The following NTRK3 variants were observed in gnomAD, a reference collection of about 807,000 sequenced individuals.
NTRK3 encodes the protein NT-3 growth factor receptor.
Under a neutral mutation model 91.7 loss-of-function variants are expected in NTRK3, and 24 were observed. The observed-to-expected ratio is 0.26, with a 90% CI of 0.19 to 0.37. The LOEUF (loss-of-function observed/expected upper bound fraction) is 0.37. NTRK3 is among the 10% of genes least tolerant of loss of function. NTRK3 has a pLI of 1.00. For synonymous variants in NTRK3, 483 were observed against 404.0 expected (o/e 1.20, Z -2.34); for missense variants, 880 against 1,068.9 (o/e 0.82, Z 2.46).
chr15:87,978,749 G>T (rs181594497), intron 14 of NTRK3: 2 of 234,022 alleles, frequency 8.5e-6, no homozygotes, highest in Non-Finnish European at 1.7e-5. Context: ...TAAAGTGATT[G>T]GTTTCCATTC....
At chr15:88,239,257 T>C (rs1041209875) in intron 3 of NTRK3, among the ~76,000 whole-genome samples, 3 of 151,854 alleles carry the variant, frequency 2.0e-5, no homozygotes, top group Admixed American at 1.3e-4. Flanking sequence ...GCTGAGAATG[T>C]TTGAGGAATG....
chr15:88,038,448 C>T (rs2079269996), intron 13 of NTRK3, among the ~76,000 whole-genome samples: 1 of 152,152 alleles, frequency 6.6e-6, no homozygotes, highest in African/African-American at 2.4e-5. Flanking sequence ...TGTCTGAGTC[C>T]AGCAGGGCTC....
chr15:88,093,730 G>C (rs1235012553), intron 13 of NTRK3, among the ~76,000 whole-genome samples: 2 of 152,040 alleles, frequency 1.3e-5, no homozygotes, highest in Non-Finnish European at 2.9e-5. Flanking sequence ...CAGAAGACAG[G>C]GTTCTTTCTT....
At chr15:87,937,559 C>T (rs891958140) in intron 15 of NTRK3, among the ~76,000 whole-genome samples, 1 of 151,986 alleles carries the variant, frequency 6.6e-6, no homozygotes, top group Non-Finnish European at 1.5e-5. Flanking sequence ...ACCCTTCAAG[C>T]CAAAAGGAAC....
chr15:87,929,999 A>G (rs2068651906), intron 16 of NTRK3, among the ~76,000 whole-genome samples: 1 of 152,166 alleles, frequency 6.6e-6, no homozygotes, highest in South Asian at 2.1e-4. Flanking sequence ...GCTTGTTCCA[A>G]GATTCCCTGG....
At chr15:87,899,379 T>C (rs2066318371) in intron 17 of NTRK3, among the ~76,000 whole-genome samples, 1 of 150,178 alleles carries the variant, frequency 6.7e-6, no homozygotes, top group African/African-American at 2.4e-5. Context: ...CCCTCCTTTC[T>C]CCTTCCCCCA....
At chr15:88,032,802 A>G in intron 14 of NTRK3, 55 bp downstream of exon 14, 1 of 1,602,012 alleles carries the variant, frequency 6.2e-7, no homozygotes, top group Non-Finnish European at 8.5e-7. Flanking sequence ...TACATGGTCT[A>G]TCACCAACCA....
intron 13 of NTRK3, among the ~76,000 whole-genome samples, chr15:88,087,240 G>A (rs1486106685): frequency 6.6e-6 from 1 of 152,166 alleles, no homozygotes; most frequent in African/African-American, 2.4e-5. Context: ...GAGTAAATAA[G>A]GTTCACAAGC....
chr15:87,898,702 T>C (rs2066273456), intron 17 of NTRK3, among the ~76,000 whole-genome samples: 2 of 151,690 alleles, frequency 1.3e-5, no homozygotes, highest in East Asian at 1.9e-4. Flanking sequence ...TCAGGGATTC[T>C]AGGCTGGGTG....
At chr15:88,057,515 G>A (rs1238962813) in intron 13 of NTRK3, among the ~76,000 whole-genome samples, 1 of 149,850 alleles carries the variant, frequency 6.7e-6, no homozygotes, top group African/African-American at 2.4e-5. Flanking sequence ...AAAAAAAAAA[G>A]AAAGAAATGT....
At chr15:88,224,264 G>C (rs2141621776) in intron 3 of NTRK3, among the ~76,000 whole-genome samples, 1 of 152,334 alleles carries the variant, frequency 6.6e-6, no homozygotes, top group Middle Eastern at 3.4e-3. Context: ...CCAGAACTCA[G>C]AACCTAGATC....
rs1423110048 is a variant in NTRK3 at position 88,130,511 on chromosome 15, C to G, written c.1205-1777G>C. On this transcript the variant is annotated intron_variant, in intron 10 of 18. Coordinates refer to ENST00000394480, the Ensembl canonical transcript of NTRK3. ...TTGCAGCAGAGAAACCTGGCAGACA[C>G]CACCTTGACCAAGTAATAAAGTCAA... 5.9e-5 allele frequency among the ~76,000 whole-genome samples: 9 copies of G among 152,118 alleles called. No individual in the cohort carries two copies. In the East Asian group the frequency reaches 1.2e-3, roughly 20 times the overall value.
At chr15:88,075,644 T>C (rs1165316388) in intron 13 of NTRK3, among the ~76,000 whole-genome samples, 1 of 152,170 alleles carries the variant, frequency 6.6e-6, no homozygotes, top group Non-Finnish European at 1.5e-5. Context: ...TAAAAGTCTC[T>C]CTCTCGAAGA....
intron 13 of NTRK3, among the ~76,000 whole-genome samples, chr15:88,106,298 G>A (rs1225142913): frequency 1.3e-5 from 2 of 152,208 alleles, no homozygotes; most frequent in Non-Finnish European, 2.9e-5. Flanking sequence ...AACATGCACA[G>A]AGGGAGCTTT....
In NTRK3 at chr15:88,164,789, C is replaced by T. The variant is rs986684470; in HGVS notation, c.396-17386G>A. On this transcript the variant is annotated intron_variant, in intron 5 of 18. Coordinates refer to ENST00000394480, the Ensembl canonical transcript of NTRK3. ...CTGTTACTGGCCTTATGATTCAGGG[C>T]TTTAATTTATTCACCAACAGTGTCA... Among the ~76,000 whole-genome samples, 5 of 152,170 alleles carry T rather than the reference C, an allele frequency of 3.3e-5. No homozygotes were observed. In the East Asian group the frequency reaches 9.6e-4, roughly 29 times the overall value.
Position 88,240,076 on chromosome 15 carries a change from GA to G in NTRK3, c.248+15829del, listed in dbSNP as rs542744614. On this transcript the variant is annotated intron_variant, in intron 3 of 18. Transcript: ENST00000394480. This position sits in a 1 kb window ranked among gnomAD's most constrained non-coding sequence, Gnocchi z 4.9. ...CAGACACACACACACACACACACAG[GA>G]ACAAGGTTCCCACGCACCTGTGTGC... Among the ~76,000 whole-genome samples the G allele has an allele frequency of 5.7e-4, 87 of 151,368 alleles. No homozygotes were observed. The East Asian group carries it at 0.014, about 24-fold the overall frequency.
chr15:87,969,133 G>C (rs906966705), intron 14 of NTRK3, among the ~76,000 whole-genome samples: 2 of 152,092 alleles, frequency 1.3e-5, no homozygotes, highest in African/African-American at 4.8e-5. Context: ...TCTTTCAGAG[G>C]GAACGAATGA....
At chr15:88,252,589 A>C (rs1359694599) in intron 3 of NTRK3, 1 of 152,316 alleles carries the variant, frequency 6.6e-6, no homozygotes, top group East Asian at 1.9e-4. Context: ...ATACCACTCC[A>C]ACCCAGCCCC....
intron 14 of NTRK3, among the ~76,000 whole-genome samples, chr15:88,019,988 A>G (rs2141873253): frequency 6.6e-6 from 1 of 152,352 alleles, no homozygotes; most frequent in Non-Finnish European, 1.5e-5. Context: ...AAGTTTGCTA[A>G]GAAAAAACAA....
Sources: allele counts gnomAD v4.1 joint callset (sites outside exome capture counted in the v4.1 genomes callset), GRCh38; gene constraint gnomAD v4.1.1; non-coding constraint Gnocchi (gnomAD v3.1); transcripts MANE v1.5; gene names NCBI Gene and HGNC (gene_info 2026-07-23, HGNC 2026-07-21).